The following OLFM3 variants were observed in gnomAD, a reference collection of about 807,000 sequenced individuals.
OLFM3 encodes the protein olfactomedin 3.
Under a neutral mutation model 48.6 loss-of-function variants are expected in OLFM3, and 20 were observed. That is an observed-to-expected ratio of 0.41 (90% CI 0.29 to 0.60). OLFM3 has a LOEUF of 0.60. Among genes scored for constraint, OLFM3 ranks in the 20% least tolerant of loss-of-function variants. The pLI is 0.28. For synonymous variants in OLFM3, 222 were observed against 198.1 expected (o/e 1.12, Z -1.01); for missense variants, 437 against 544.3 (o/e 0.80, Z 1.96).
intron 1 of OLFM3, among the ~76,000 whole-genome samples, chr1:101,838,257 C>T (rs1406250960): frequency 6.6e-6 from 1 of 152,158 alleles, no homozygotes; most frequent in Non-Finnish European, 1.5e-5. Flanking sequence ...TGGGGTTTCA[C>T]TATGTTGGCC....
intron 1 of OLFM3, among the ~76,000 whole-genome samples, chr1:101,866,896 G>A (rs2100970908): frequency 6.6e-6 from 1 of 152,302 alleles, no homozygotes; most frequent in African/African-American, 2.4e-5. Flanking sequence ...GTGCCTGAGA[G>A]AAGAGCAGAA....
intron 1 of OLFM3, among the ~76,000 whole-genome samples, chr1:101,881,895 T>G (rs548055361): frequency 6.6e-6 from 1 of 151,962 alleles, no homozygotes; most frequent in African/African-American, 2.4e-5. Flanking sequence ...CACAGTCTTC[T>G]TTTTCCTCTT....
chr1:101,984,401 C>A (rs1661179723), intron 1 of OLFM3, among the ~76,000 whole-genome samples: 1 of 152,032 alleles, frequency 6.6e-6, no homozygotes, highest in South Asian at 2.1e-4. Context: ...TGTGTGTAAT[C>A]CTTTGAAAGC....
At chr1:101,824,994 G>C in intron 4 of OLFM3, 32 bp downstream of exon 4, 1 of 1,568,270 alleles carries the variant, frequency 6.4e-7, no homozygotes, top group Non-Finnish European at 8.8e-7. Flanking sequence ...ATATAAAAAC[G>C]TAACTTAGAC....
intron 1 of OLFM3, among the ~76,000 whole-genome samples, chr1:101,909,221 G>A (rs1045084220): frequency 2.0e-5 from 3 of 152,280 alleles, no homozygotes; most frequent in Admixed American, 2.0e-4. Context: ...AACACACACA[G>A]AGGCCACAGG....
At chr1:101,929,230 T>C (rs1659370519) in intron 1 of OLFM3, among the ~76,000 whole-genome samples, 1 of 152,178 alleles carries the variant, frequency 6.6e-6, no homozygotes, top group Admixed American at 6.6e-5. Flanking sequence ...AATCATCTTT[T>C]TGTTTCTTTG....
At chr1:101,807,700 A>G in intron 4 of OLFM3, among the ~76,000 whole-genome samples, 1 of 151,846 alleles carries the variant, frequency 6.6e-6, no homozygotes, top group East Asian at 1.9e-4. Flanking sequence ...ATAAAACTTG[A>G]ATCGAATATA....
chr1:101,973,626 T>C (rs1186981548), intron 1 of OLFM3, among the ~76,000 whole-genome samples: 2 of 152,086 alleles, frequency 1.3e-5, no homozygotes, highest in East Asian at 3.9e-4. Flanking sequence ...GAAGAAATAG[T>C]TGAGTGAAAC....
chr1:101,889,902 A>G (rs1290650609), intron 1 of OLFM3, among the ~76,000 whole-genome samples: 2 of 152,054 alleles, frequency 1.3e-5, no homozygotes, highest in Admixed American at 1.3e-4. Context: ...ACTTCTCAGA[A>G]GTCGTCTTAA....
At chr1:101,986,122 C>T (rs1198921554) in intron 1 of OLFM3, among the ~76,000 whole-genome samples, 1 of 151,886 alleles carries the variant, frequency 6.6e-6, no homozygotes, top group African/African-American at 2.4e-5. Context: ...CCCGCCACCA[C>T]GCCCGGCTAA....
At chr1:101,905,206 T>C (rs913005520) in intron 1 of OLFM3, among the ~76,000 whole-genome samples, 7 of 152,146 alleles carry the variant, frequency 4.6e-5, no homozygotes, top group African/African-American at 7.2e-5. Context: ...CCTCTTTCCA[T>C]ATTGCAAAAC....
chr1:101,978,819 A>G lies in OLFM3; in HGVS notation c.69+17929T>C, dbSNP rs527834190. Among the ~76,000 whole-genome samples, 23 of 152,206 alleles carry G rather than the reference A, an allele frequency of 1.5e-4. No individual in the cohort carries two copies. In the South Asian group the frequency reaches 4.8e-3, roughly 32 times the overall value. On this transcript the variant is annotated intron_variant, in intron 1 of 5. Transcript: ENST00000370103. ...GCAAGGGAAATGGGAAGAATGTCACATAGGTCTTTTTTTTTCTTGCTTTAG... is the reference window on the plus strand; with the variant it reads ...GCAAGGGAAATGGGAAGAATGTCACGTAGGTCTTTTTTTTTCTTGCTTTAG...
At chr1:101,857,951 A>G (rs1414056154) in intron 1 of OLFM3, among the ~76,000 whole-genome samples, 1 of 152,084 alleles carries the variant, frequency 6.6e-6, no homozygotes, top group Admixed American at 6.6e-5. Flanking sequence ...AAACAAAACA[A>G]AACAACTTTT....
intron 1 of OLFM3, among the ~76,000 whole-genome samples, chr1:101,993,280 T>C (rs1162190284): frequency 6.6e-6 from 1 of 152,142 alleles, no homozygotes. Context: ...GTTACAATGT[T>C]CAAATAATGG....
intron 1 of OLFM3, among the ~76,000 whole-genome samples, chr1:101,863,956 T>G (rs777419770): frequency 2.6e-5 from 4 of 152,196 alleles, no homozygotes; most frequent in Non-Finnish European, 5.9e-5. Flanking sequence ...TCTCATAGGA[T>G]GGATCTCTGA....
intron 1 of OLFM3, among the ~76,000 whole-genome samples, chr1:101,970,735 AAAGGACCACCC>A: frequency 6.6e-6 from 1 of 152,346 alleles, no homozygotes; most frequent in East Asian, 1.9e-4. Flanking sequence ...CAAAAGGAGA[AAAGGACCACCC>A]TCCCCTGACC....
At chr1:101,827,800 C>T (rs4908189) in intron 3 of OLFM3, among the ~76,000 whole-genome samples, 44,983 of 151,950 alleles carry the variant, frequency 0.3, 7,145 homozygotes, top group Non-Finnish European at 0.36. Flanking sequence ...ATTAGATATA[C>T]GACTCTGGAT....
At chr1:101,812,681 A>C in intron 4 of OLFM3, 1 of 985,768 alleles carries the variant, frequency 1.0e-6, no homozygotes, top group Non-Finnish European at 1.2e-6. Context: ...TCTATGGCAA[A>C]GGGATACTGC....
chr1:101,836,760 C>G, intron 2 of OLFM3, 119 bp downstream of exon 2: 1 of 1,025,148 alleles, frequency 9.8e-7, no homozygotes, highest in Non-Finnish European at 1.5e-6. Context: ...AAAAGCTTAT[C>G]TGAGAAGGGG....
Sources: gnomAD v4.1 joint callset for allele counts (sites outside exome capture counted in the v4.1 genomes callset) on GRCh38, gnomAD v4.1.1 for gene constraint, MANE v1.5 for transcripts, NCBI Gene and HGNC (gene_info 2026-07-23, HGNC 2026-07-21) for gene names.